Variants in FRMD4A observed in about 807,000 individuals in gnomAD.
The protein encoded by FRMD4A is FERM domain-containing protein 4A.
A neutral mutation model predicts 129.1 loss-of-function variants in FRMD4A; 29 were observed. The observed-to-expected ratio is 0.22, with a 90% confidence interval of 0.17 to 0.31. The LOEUF (loss-of-function observed/expected upper bound fraction) is 0.31. FRMD4A is among the 10% of genes least tolerant of loss of function. The pLI, the probability that FRMD4A is intolerant of heterozygous loss-of-function variation, is 1.00. For missense variants in FRMD4A, 1,272 were observed against 1,375.8 expected (o/e 0.92, Z 1.19); for synonymous variants, 634 against 571.6 (o/e 1.11, Z -1.56).
At chr10:13,990,976 G>A (rs2095601203) in intron 2 of FRMD4A, among the ~76,000 whole-genome samples, 1 of 152,144 alleles carries the variant, frequency 6.6e-6, no homozygotes, top group Admixed American at 6.5e-5. Flanking sequence ...TCCCCTGGAG[G>A]AGACACTGGG....
intron 2 of FRMD4A, among the ~76,000 whole-genome samples, chr10:13,951,340 C>A (rs1476305911): frequency 1.3e-5 from 2 of 151,958 alleles, no homozygotes; most frequent in African/African-American, 4.8e-5. Context: ...GGTAGTGCGC[C>A]ATCTTGGGAT....
intron 2 of FRMD4A, among the ~76,000 whole-genome samples, chr10:14,136,774 A>G (rs907618510): frequency 6.6e-6 from 1 of 152,076 alleles, no homozygotes; most frequent in Admixed American, 6.6e-5. Flanking sequence ...CCTTAAATGC[A>G]TAAAAGCAAG....
intron 2 of FRMD4A, among the ~76,000 whole-genome samples, chr10:14,010,881 T>C (rs2095679914): frequency 6.6e-6 from 1 of 152,138 alleles, no homozygotes; most frequent in African/African-American, 2.4e-5. Context: ...CTCTCACAGT[T>C]ATGACCACTT....
chr10:13,826,931 C>T (rs1342361730), intron 3 of FRMD4A, among the ~76,000 whole-genome samples: 1 of 152,158 alleles, frequency 6.6e-6, no homozygotes, highest in East Asian at 1.9e-4. Context: ...CACGTGTCCT[C>T]GGGTCCAAAG....
At chr10:13,658,497 G>A (rs1388696433) in intron 21 of FRMD4A, among the ~76,000 whole-genome samples, 1 of 152,250 alleles carries the variant, frequency 6.6e-6, no homozygotes, top group Non-Finnish European at 1.5e-5. Context: ...AGCACAGGAA[G>A]AGGCGAGTCC....
At chr10:14,147,779 G>A (rs1564339757) in intron 2 of FRMD4A, among the ~76,000 whole-genome samples, 2 of 152,038 alleles carry the variant, frequency 1.3e-5, no homozygotes, top group South Asian at 2.1e-4. Context: ...AACAGGCCAC[G>A]GACTGGTACT....
chr10:14,255,827 G>A (rs1844592816), intron 2 of FRMD4A, among the ~76,000 whole-genome samples: 1 of 152,100 alleles, frequency 6.6e-6, no homozygotes, highest in African/African-American at 2.4e-5. Context: ...CCAACATGGT[G>A]AAATCCAGTC....
intron 8 of FRMD4A, among the ~76,000 whole-genome samples, chr10:13,750,125 A>G (rs374364221): frequency 4.2e-4 from 57 of 135,418 alleles, no homozygotes; most frequent in African/African-American, 1.3e-3. Context: ...AGAAAGAAAG[A>G]AAGAAAGAAA....
At chr10:13,944,383 C>A (rs995266177) in intron 2 of FRMD4A, among the ~76,000 whole-genome samples, 25 of 151,982 alleles carry the variant, frequency 1.6e-4, no homozygotes, top group Non-Finnish European at 3.2e-4. Flanking sequence ...CTCCCATCAC[C>A]CTCAGGTGGG....
chr10:13,772,771 G>A (rs948296007), intron 6 of FRMD4A, among the ~76,000 whole-genome samples: 3 of 152,188 alleles, frequency 2.0e-5, no homozygotes, highest in Non-Finnish European at 4.4e-5. Context: ...TGAACTCATG[G>A]AGACAGAATA....
chr10:13,920,814 C>T (rs919398092), intron 2 of FRMD4A, among the ~76,000 whole-genome samples: 3 of 150,174 alleles, frequency 2.0e-5, no homozygotes, highest in Non-Finnish European at 4.4e-5. Flanking sequence ...CAAATCTTTG[C>T]TTTTATTATT....
intron 2 of FRMD4A, among the ~76,000 whole-genome samples, chr10:14,269,279 A>C (rs1845080084): frequency 6.6e-6 from 1 of 152,216 alleles, no homozygotes; most frequent in Admixed American, 6.5e-5. Context: ...GAGTAGCCTG[A>C]AAATCATCCA....
chr10:14,162,238 G>C (rs898413172), intron 2 of FRMD4A, among the ~76,000 whole-genome samples: 1 of 152,152 alleles, frequency 6.6e-6, no homozygotes, highest in African/African-American at 2.4e-5. Flanking sequence ...CACCACACTA[G>C]ACAAGGCATC....
intron 2 of FRMD4A, among the ~76,000 whole-genome samples, chr10:14,191,805 TTCTC>T (rs71388163): frequency 7.1e-5 from 10 of 140,902 alleles, no homozygotes; most frequent in Admixed American, 2.1e-4. Flanking sequence ...TTTTTTTTTT[TTCTC>T]TCTCTCTCTC....
At chr10:14,211,303 G>T (rs1842928220) in intron 2 of FRMD4A, among the ~76,000 whole-genome samples, 1 of 152,176 alleles carries the variant, frequency 6.6e-6, no homozygotes, top group African/African-American at 2.4e-5. Flanking sequence ...GAACAGGTAG[G>T]AGAAAACCAA....
rs373403491 is a variant in FRMD4A at position 13,654,399 on chromosome 10, A to G, written c.3050+17T>C. 9.8e-6 allele frequency: 15 copies of G among 1,523,330 alleles called. No individual in the cohort carries two copies. The African/African-American group carries it at 1.1e-4, about 11-fold the overall frequency. 94.4% of individuals were successfully genotyped at this position (1,523,330 alleles called of 1,614,324 possible). ...CTTTCGAGCTGACACAGTGAAGAAC[A>G]TAGAAGGAGAACTCACCCAGTCTGC... On this transcript the variant is annotated intron_variant, in intron 23 of 24. Transcript: ENST00000357447.
intron 2 of FRMD4A, among the ~76,000 whole-genome samples, chr10:13,879,795 TTCCTCCTCC>T (rs796723587): frequency 1.9e-5 from 2 of 105,840 alleles, no homozygotes; most frequent in African/African-American, 3.7e-5. Context: ...TCCTCCTCCC[TTCCTCCTCC>T]TCCTCCTCCT....
chr10:13,688,946 G>C (rs188454700), intron 15 of FRMD4A, among the ~76,000 whole-genome samples: 1 of 151,970 alleles, frequency 6.6e-6, no homozygotes, highest in African/African-American at 2.4e-5. Context: ...TCGAACTCCT[G>C]CCTGCCTTGG....
At chr10:13,929,473 G>A (rs938834439) in intron 2 of FRMD4A, among the ~76,000 whole-genome samples, 3 of 152,184 alleles carry the variant, frequency 2.0e-5, no homozygotes, top group Admixed American at 2.0e-4. Context: ...AGAGCCTGGT[G>A]GGGGAGCAGT....
Sources: allele counts gnomAD v4.1 joint callset (sites outside exome capture counted in the v4.1 genomes callset), GRCh38; gene constraint gnomAD v4.1.1; transcripts MANE v1.5; gene names NCBI Gene and HGNC (gene_info 2026-07-23, HGNC 2026-07-21).